TMEM163: variants seen among roughly 807,000 people sequenced by gnomAD.
The protein encoded by TMEM163 is transmembrane protein 163.
A neutral mutation model predicts 29.3 loss-of-function variants in TMEM163; 17 were observed. The observed-to-expected ratio is 0.58, with a 90% CI of 0.40 to 0.87. The LOEUF (loss-of-function observed/expected upper bound fraction) is 0.87. Ranked by LOEUF, TMEM163 falls within the 40% of genes least tolerant of loss-of-function variation. The pLI, the probability that TMEM163 is intolerant of heterozygous loss-of-function variation, is 0.00. For synonymous variants in TMEM163, 157 were observed against 160.6 expected, an observed-to-expected ratio of 0.98 and a Z score of 0.17; for missense variants, 303 against 381.5, an observed-to-expected ratio of 0.79 and a Z score of 1.71.
At chr2:134,650,532 G>GTTTTGTTTTTTGTTTTTTGTT (rs1553489311) in intron 2 of TMEM163, among the ~76,000 whole-genome samples, 1 of 36,016 alleles carries the variant, frequency 2.8e-5, no homozygotes, top group Non-Finnish European at 7.2e-5. Flanking sequence ...TTGTTTGTTT[G>GTTTTGTTTTTTGTTTTTTGTT]TTTTGTTTTT....
intron 4 of TMEM163, among the ~76,000 whole-genome samples, chr2:134,515,527 C>A (rs1010669026): frequency 6.6e-6 from 1 of 152,178 alleles, no homozygotes; most frequent in Non-Finnish European, 1.5e-5. Flanking sequence ...TGATCCACTT[C>A]TGGGAATCAA....
intron 2 of TMEM163, among the ~76,000 whole-genome samples, chr2:134,576,474 C>T (rs1681557996): frequency 6.6e-6 from 1 of 152,194 alleles, no homozygotes; most frequent in Non-Finnish European, 1.5e-5. Context: ...AAAAGGGCCA[C>T]CCATTAAGTG....
At chr2:134,579,665 G>GCTT (rs1436009146) in intron 2 of TMEM163, among the ~76,000 whole-genome samples, 1 of 152,140 alleles carries the variant, frequency 6.6e-6, no homozygotes, top group African/African-American at 2.4e-5. Flanking sequence ...GTTCCACAGG[G>GCTT]CTTCGGAAGA....
Position 134,493,624 on chromosome 2 carries a change from G to A in TMEM163, c.555+9277C>T, listed in dbSNP as rs539758356. ...TGACCTCAGGCGATCTGCCCGCCTCGGCCTCCCGAAGTGCTGGGATTACAG... is the reference window on the plus strand; with the variant it reads ...TGACCTCAGGCGATCTGCCCGCCTCAGCCTCCCGAAGTGCTGGGATTACAG... On this transcript the variant is annotated intron_variant, in intron 5 of 7. Transcript: ENST00000281924. 1.2e-4 allele frequency among the ~76,000 whole-genome samples: 19 copies of A among 152,110 alleles called. No homozygotes were observed. The East Asian group carries it at 1.9e-3, about 16-fold the overall frequency.
chr2:134,539,630 C>T (rs889828299), intron 4 of TMEM163, among the ~76,000 whole-genome samples: 14 of 152,196 alleles, frequency 9.2e-5, no homozygotes, highest in Middle Eastern at 3.2e-3. Context: ...AGGAGAAAGT[C>T]AGCATGAGCC....
At chr2:134,637,280 C>CA (rs1223682855) in intron 2 of TMEM163, among the ~76,000 whole-genome samples, 1 of 152,160 alleles carries the variant, frequency 6.6e-6, no homozygotes, top group African/African-American at 2.4e-5. Context: ...TCCCATACCC[C>CA]AAAGCTGTGC....
chr2:134,634,011 A>ATATG (rs1683045667), intron 2 of TMEM163, among the ~76,000 whole-genome samples: 1 of 31,512 alleles, frequency 3.2e-5, no homozygotes, highest in East Asian at 4.6e-4. Context: ...ATATATATAT[A>ATATG]TATATATATA....
rs561145687 is a variant in TMEM163 at position 134,661,568 on chromosome 2, G to A, written c.322+51632C>T. Among the ~76,000 whole-genome samples the A allele has an allele frequency of 3.9e-5, 6 of 152,290 alleles. No homozygotes were observed. The South Asian group carries it at 6.2e-4, about 16-fold the overall frequency. On this transcript the variant is annotated intron_variant, in intron 2 of 7. Coordinates refer to ENST00000281924, the MANE Select transcript of TMEM163 (RefSeq NM_030923.5). ...CAACCCTATTCAAAGGCTTTTAAAC[G>A]TTATGGTTGCTTAATTTTTCAGGTA...
intron 2 of TMEM163, among the ~76,000 whole-genome samples, chr2:134,584,391 T>C (rs1681763699): frequency 6.6e-6 from 1 of 152,176 alleles, no homozygotes; most frequent in South Asian, 2.1e-4. Flanking sequence ...AAAGCATGTG[T>C]GCACTAAGAT....
chr2:134,546,141 G>T (rs1422976391), intron 4 of TMEM163, among the ~76,000 whole-genome samples: 1 of 152,120 alleles, frequency 6.6e-6, no homozygotes, highest in African/African-American at 2.4e-5. Context: ...ATATAAAACA[G>T]TATAGAGGTT....
intron 2 of TMEM163, among the ~76,000 whole-genome samples, chr2:134,680,354 T>G (rs1010682645): frequency 1.4e-5 from 2 of 143,876 alleles, no homozygotes; most frequent in Non-Finnish European, 3.0e-5. Context: ...CACACAAAAA[T>G]GAGACCTATA....
chr2:134,679,792 C>T lies in TMEM163; in HGVS notation c.322+33408G>A, dbSNP rs116132175. Among the ~76,000 whole-genome samples the T allele has an allele frequency of 2.5e-3, 380 of 152,240 alleles. 3 individuals are homozygous for T. The highest frequency in any genetic ancestry group is 8.6e-3 in the African/African-American group (357 of 41,542). On this transcript the variant is annotated intron_variant, in intron 2 of 7. Transcript: ENST00000281924. Reference sequence around the variant, plus strand: ...CCTGCCTAGAAACATCCCAGACCTTCGTCGCCAGCTCCCACCACCACCCCA... The same window carrying T: ...CCTGCCTAGAAACATCCCAGACCTTTGTCGCCAGCTCCCACCACCACCCCA...
At chr2:134,641,307 A>G (rs1683215441) in intron 2 of TMEM163, among the ~76,000 whole-genome samples, 1 of 152,226 alleles carries the variant, frequency 6.6e-6, no homozygotes, top group South Asian at 2.1e-4. Flanking sequence ...ATGGACTCTG[A>G]TTCCCACCTC....
chr2:134,539,467 G>A (rs1413979001), intron 4 of TMEM163, among the ~76,000 whole-genome samples: 1 of 152,236 alleles, frequency 6.6e-6, no homozygotes, highest in Non-Finnish European at 1.5e-5. Context: ...GGAAAGCAAT[G>A]CCAGCATAGA....
intron 4 of TMEM163, among the ~76,000 whole-genome samples, chr2:134,526,817 T>C (rs1357572194): frequency 6.6e-6 from 1 of 152,218 alleles, no homozygotes; most frequent in Non-Finnish European, 1.5e-5. Context: ...TGGGCCATTA[T>C]ATTTTAAGAA....
chr2:134,615,897 T>C lies in TMEM163; in HGVS notation c.323-63806A>G, dbSNP rs541416676. On this transcript the variant is annotated intron_variant, in intron 2 of 7. Transcript: ENST00000281924. Reference sequence around the variant, plus strand: ...GTCTCAAACTCCTGACATCAGGTGATCTGCCTGCCTTGGCCTCCCCAAGTG... The same window carrying C: ...GTCTCAAACTCCTGACATCAGGTGACCTGCCTGCCTTGGCCTCCCCAAGTG... Among the ~76,000 whole-genome samples, 9 of 152,274 alleles carry C rather than the reference T, an allele frequency of 5.9e-5. No homozygotes were observed. In the South Asian group the frequency reaches 1.9e-3, roughly 32 times the overall value.
chr2:134,698,743 G>A (rs1273173158), intron 2 of TMEM163, among the ~76,000 whole-genome samples: 1 of 151,984 alleles, frequency 6.6e-6, no homozygotes, highest in African/African-American at 2.4e-5. Flanking sequence ...GAAATGTGTT[G>A]CTTAATTTCC....
At position 134,546,883 on chromosome 2, in the gene TMEM163, C is replaced by CA. The variant is rs541569624; in HGVS notation, c.458+3686dup. ...AGGAAGAAAATTGTGTCACATGCTA[C>CA]AAAAAAATGGAGGATCCTTGAGGAC... On this transcript the variant is annotated intron_variant, in intron 4 of 7. Transcript: ENST00000281924. Among the ~76,000 whole-genome samples the CA allele has an allele frequency of 3.3e-5, 5 of 151,944 alleles. No homozygotes were observed. The East Asian group carries it at 7.7e-4, about 23-fold the overall frequency.
intron 6 of TMEM163, among the ~76,000 whole-genome samples, chr2:134,461,465 C>T (rs1282305711): frequency 1.3e-5 from 2 of 152,164 alleles, no homozygotes; most frequent in Admixed American, 6.5e-5. Flanking sequence ...TCGTCCAGAG[C>T]GCTCCCCCAG....
Sources: allele counts gnomAD v4.1 joint callset (sites outside exome capture counted in the v4.1 genomes callset), GRCh38; gene constraint gnomAD v4.1.1; transcripts MANE v1.5; gene names NCBI Gene and HGNC (gene_info 2026-07-23, HGNC 2026-07-21).